The following THADA variants were observed in gnomAD, a reference collection of about 807,000 sequenced individuals.
THADA encodes the protein tRNA (32-2'-O)-methyltransferase regulator THADA.
A neutral mutation model predicts 219.8 loss-of-function variants in THADA; 213 were observed. The ratio of observed to expected loss-of-function variants is 0.97; its 90% confidence interval spans 0.87 to 1.09. THADA has a LOEUF of 1.09. THADA is among the 50% of genes least tolerant of loss of function. The pLI is 0.00. For synonymous variants in THADA, 1,018 were observed against 828.9 expected, an observed-to-expected ratio of 1.23 and a Z score of -3.92; for missense variants, 2,956 against 2,311.3, an observed-to-expected ratio of 1.28 and a Z score of -5.72.
chr2:43,586,778 A>G, intron 5 of THADA, 44 bp from the exon 6 acceptor site: 3 of 1,610,646 alleles, frequency 1.9e-6, no homozygotes, highest in Non-Finnish European at 2.5e-6. Flanking sequence ...TTCACGACCA[A>G]AATCAATGTC....
intron 31 of THADA, among the ~76,000 whole-genome samples, chr2:43,314,912 G>A (rs1677908087): frequency 1.3e-5 from 2 of 152,174 alleles, no homozygotes; most frequent in African/African-American, 4.8e-5. Context: ...TCAAATGATT[G>A]GGAAGCACTA....
intron 8 of THADA, among the ~76,000 whole-genome samples, 175 bp from the exon 9 acceptor site, chr2:43,578,782 G>A (rs1339905629): frequency 1.3e-5 from 2 of 152,092 alleles, no homozygotes; most frequent in African/African-American, 4.8e-5. Flanking sequence ...CTTTTCTCTT[G>A]GGTAAAATGG....
At chr2:43,347,919 C>T (rs1010361929) in intron 29 of THADA, among the ~76,000 whole-genome samples, 1 of 152,090 alleles carries the variant, frequency 6.6e-6, no homozygotes, top group African/African-American at 2.4e-5. Context: ...GCAAAGATTT[C>T]TTCAGAGAGT....
chr2:43,236,135 A>G (rs897466609), intron 36 of THADA, among the ~76,000 whole-genome samples: 1 of 152,212 alleles, frequency 6.6e-6, no homozygotes, highest in South Asian at 2.1e-4. Context: ...GCCATGAATC[A>G]TGGTTAGGAA....
chr2:43,360,600 T>G (rs1669395602), intron 29 of THADA, among the ~76,000 whole-genome samples: 1 of 152,230 alleles, frequency 6.6e-6, no homozygotes, highest in Non-Finnish European at 1.5e-5. Flanking sequence ...GCTCAAACAC[T>G]GATGCCACTA....
chr2:43,294,619 G>C (rs1334233415), intron 31 of THADA, among the ~76,000 whole-genome samples: 3 of 152,134 alleles, frequency 2.0e-5, no homozygotes, highest in Non-Finnish European at 4.4e-5. Context: ...CCACTGGGGG[G>C]TTATTTTAAG....
In THADA at chr2:43,481,401, TA is replaced by T. The variant is rs371489356; in HGVS notation, c.3836+3832del. ...TAATTTGAATATGAGCTCTCTTTAA[TA>T]AGACAGAATAGAGATTGTACTTAAC... On this transcript the variant is annotated intron_variant, in intron 26 of 37. Coordinates refer to ENST00000405975, the MANE Select transcript of THADA (RefSeq NM_022065.5). Among the ~76,000 whole-genome samples the T allele has an allele frequency of 1.1e-3, 163 of 152,314 alleles. 2 individuals are homozygous for T. The East Asian group carries it at 0.026, about 24-fold the overall frequency.
At chr2:43,268,523 A>G (rs1429934501) in intron 36 of THADA, among the ~76,000 whole-genome samples, 2 of 152,200 alleles carry the variant, frequency 1.3e-5, no homozygotes, top group Admixed American at 1.3e-4. Flanking sequence ...AGAGCAGCAA[A>G]AACAAGGAAG....
At chr2:43,586,657 T>C in intron 6 of THADA, 45 bp downstream of exon 6, 2 of 1,584,356 alleles carry the variant, frequency 1.3e-6, no homozygotes, top group Non-Finnish European at 1.7e-6. Flanking sequence ...AAATGACTCA[T>C]ACAAGCCATC....
chr2:43,507,214 A>G (rs1689787076), intron 23 of THADA, among the ~76,000 whole-genome samples: 1 of 152,210 alleles, frequency 6.6e-6, no homozygotes, highest in Non-Finnish European at 1.5e-5. Context: ...CAATTACTAA[A>G]ATGACTTCAG....
chr2:43,282,986 G>C (rs1189818355), intron 35 of THADA, among the ~76,000 whole-genome samples: 1 of 152,188 alleles, frequency 6.6e-6, no homozygotes, highest in East Asian at 1.9e-4. Flanking sequence ...ATCTCATGTT[G>C]AATTGGAGTG....
intron 22 of THADA, among the ~76,000 whole-genome samples, chr2:43,527,315 T>C (rs1020264885): frequency 5.9e-5 from 9 of 152,228 alleles, no homozygotes; most frequent in Non-Finnish European, 1.0e-4. Flanking sequence ...GGAGGAAATC[T>C]ATTATATGAA....
At chr2:43,378,445 A>G (rs777082528) in intron 29 of THADA, among the ~76,000 whole-genome samples, 20 of 152,254 alleles carry the variant, frequency 1.3e-4, no homozygotes, top group Non-Finnish European at 1.9e-4. Flanking sequence ...TATAGTTAAT[A>G]TAACTAATGA....
chr2:43,253,540 C>T (rs1409835360), intron 36 of THADA, among the ~76,000 whole-genome samples: 2 of 152,044 alleles, frequency 1.3e-5, no homozygotes, highest in African/African-American at 4.8e-5. Context: ...CCAAACCTGC[C>T]CTCTTGATAG....
intron 22 of THADA, among the ~76,000 whole-genome samples, chr2:43,525,312 A>G (rs1286644441): frequency 2.6e-5 from 4 of 152,180 alleles, no homozygotes; most frequent in African/African-American, 9.7e-5. Context: ...AACATCTCCT[A>G]TCTGCGTATA....
chr2:43,586,766 G>GT (rs1234677873), intron 5 of THADA, 32 bp from the exon 6 acceptor site: 2 of 1,610,920 alleles, frequency 1.2e-6, no homozygotes, highest in South Asian at 2.2e-5. Context: ...CTGGTAAGGA[G>GT]TTTCACGACC....
intron 30 of THADA, among the ~76,000 whole-genome samples, chr2:43,324,351 C>T (rs772806217): frequency 6.6e-6 from 1 of 152,226 alleles, no homozygotes; most frequent in Non-Finnish European, 1.5e-5. Flanking sequence ...ACTGCTCCCA[C>T]AACTGTGAGG....
At chr2:43,504,955 C>G (rs1211634183) in intron 24 of THADA, among the ~76,000 whole-genome samples, 1 of 152,178 alleles carries the variant, frequency 6.6e-6, no homozygotes, top group Non-Finnish European at 1.5e-5. Context: ...CTATAACGTA[C>G]AAGCAGTACT....
chr2:43,534,256 T>C (rs1383855278), intron 21 of THADA, among the ~76,000 whole-genome samples: 1 of 152,214 alleles, frequency 6.6e-6, no homozygotes, highest in Non-Finnish European at 1.5e-5. Context: ...ATACATATAA[T>C]AAATAGTGAT....
Sources: gnomAD v4.1 joint callset for allele counts (sites outside exome capture counted in the v4.1 genomes callset) on GRCh38, gnomAD v4.1.1 for gene constraint, MANE v1.5 for transcripts, NCBI Gene and HGNC (gene_info 2026-07-23, HGNC 2026-07-21) for gene names.